The following ABCC2 variants were observed in gnomAD, a reference collection of about 807,000 sequenced individuals.
ABCC2 encodes ATP binding cassette subfamily C member 2.
A neutral mutation model predicts 173.4 loss-of-function variants in ABCC2; 157 were observed. That is an observed-to-expected ratio of 0.91 (90% CI 0.80 to 1.03). The LOEUF (loss-of-function observed/expected upper bound fraction) is 1.03. Ranked by LOEUF, ABCC2 falls within the 50% of genes least tolerant of loss-of-function variation. The pLI is 0.00. For synonymous variants in ABCC2, 657 were observed against 693.5 expected, an observed-to-expected ratio of 0.95 and a Z score of 0.83; for missense variants, 1,822 against 1,852.3, an observed-to-expected ratio of 0.98 and a Z score of 0.30.
intron 2 of ABCC2, 136 bp from the exon 3 acceptor site, chr10:99,792,098 A>G (rs2037819638): frequency 8.7e-7 from 1 of 1,151,188 alleles, no homozygotes; most frequent in Non-Finnish European, 1.3e-6. Flanking sequence ...GTATGTATCC[A>G]TTCTTTCCAG....
chr10:99,808,368 A>G (rs562946531), intron 13 of ABCC2, 139 bp downstream of exon 13: 38 of 1,181,666 alleles, frequency 3.2e-5, no homozygotes, highest in African/African-American at 4.5e-5. Flanking sequence ...CTGGAGACCA[A>G]TGGTTTGACC....
chr10:99,795,943 TG>T (rs1379302649), intron 6 of ABCC2, among the ~76,000 whole-genome samples: 1 of 152,190 alleles, frequency 6.6e-6, no homozygotes, highest in African/African-American at 2.4e-5. Flanking sequence ...AGTTTGAGGC[TG>T]CAGTCAGCTA....
intron 3 of ABCC2, 98 bp from the exon 4 acceptor site, chr10:99,793,453 T>C: frequency 6.4e-7 from 1 of 1,557,344 alleles, no homozygotes; most frequent in Non-Finnish European, 8.8e-7. Flanking sequence ...GTCTCCTCCC[T>C]CAGCCCTCCT....
chr10:99,851,902 T>C lies in ABCC2; in HGVS notation c.*271T>C. 2.9e-6 allele frequency: 1 copy of C among 342,258 alleles called. No homozygotes were observed. Among genetic ancestry groups the C allele is most frequent in the Non-Finnish European group, 5.3e-6 (1 of 189,394 alleles). 21.2% of individuals were successfully genotyped at this position (342,258 alleles called of 1,614,324 possible). Reference sequence around the variant, plus strand: ...TCCTGAATTTCACGATAATTATTCCTTTGCCTTTCATTTCTGTTTTATCAC... The same window carrying C: ...TCCTGAATTTCACGATAATTATTCCCTTGCCTTTCATTTCTGTTTTATCAC... On this transcript the variant is annotated 3_prime_UTR_variant, in exon 32 of 32. Transcript: ENST00000647814.
chr10:99,808,811 T>C (rs1412567978), intron 13 of ABCC2, among the ~76,000 whole-genome samples: 1 of 152,110 alleles, frequency 6.6e-6, no homozygotes, highest in Non-Finnish European at 1.5e-5. Flanking sequence ...GGCAGCAGAC[T>C]GATGAGAAGG....
At chr10:99,801,662 A>C (rs2038017941) in intron 9 of ABCC2, among the ~76,000 whole-genome samples, 1 of 152,246 alleles carries the variant, frequency 6.6e-6, no homozygotes, top group African/African-American at 2.4e-5. Flanking sequence ...CAGTGACTAC[A>C]GGCTTGAGGA....
chr10:99,787,202 T>C (rs1279188088), intron 2 of ABCC2, among the ~76,000 whole-genome samples: 9 of 151,750 alleles, frequency 5.9e-5, no homozygotes, highest in Non-Finnish European at 1.3e-4. Context: ...TATTAACACA[T>C]ATGTGCAACC....
At chr10:99,846,177 A>C (rs1487930104) in intron 29 of ABCC2, among the ~76,000 whole-genome samples, 1 of 152,242 alleles carries the variant, frequency 6.6e-6, no homozygotes, top group Non-Finnish European at 1.5e-5. Context: ...AATTTGCTGC[A>C]GGTTTCTGCC....
chr10:99,836,124 C>G lies in ABCC2; in HGVS notation c.3448C>G (p.Arg1150Gly). The G allele has an allele frequency of 6.2e-7, 1 of 1,614,052 alleles. No homozygotes were observed. The highest frequency in any genetic ancestry group is 1.1e-5 in the South Asian group (1 of 91,074). The change falls in exon 25 of 32, where the codon CGT (arginine) becomes GGT (glycine). Residue 1150 changes from arginine (R) to glycine (G), a missense_variant. Arg to Gly is a moderately radical substitution (Grantham distance 125). Coordinates refer to ENST00000647814, the MANE Select transcript of ABCC2 (RefSeq NM_000392.5). ...TGTGTCTACCTCCCGCCAGCTGAGG[C>G]GTCTGGACTCTGTCACCAGGTCCCC... is the stretch of plus-strand genomic sequence containing the variant. ...FYVSTSRQLR[R>G]LDSVTRSPIY...
At position 99,834,657 on chromosome 10, in the gene ABCC2, G is replaced by A; in HGVS notation, c.3414+122G>A. On this transcript the variant is annotated intron_variant, in intron 24 of 31. Transcript: ENST00000647814. ...ACTCACTCCTCCCCTCAGCAGCTTTGCCATTTAGTCATATGTTGACATACC... is the reference window on the plus strand; with the variant it reads ...ACTCACTCCTCCCCTCAGCAGCTTTACCATTTAGTCATATGTTGACATACC... The A allele has an allele frequency of 5.6e-6, 7 of 1,254,452 alleles. No homozygotes were observed. In the South Asian group the frequency reaches 6.0e-5, roughly 11 times the overall value. 77.7% of individuals were successfully genotyped at this position (1,254,452 alleles called of 1,614,324 possible).
chr10:99,808,315 A>G, intron 13 of ABCC2, 86 bp downstream of exon 13: 2 of 1,542,750 alleles, frequency 1.3e-6, no homozygotes, highest in Non-Finnish European at 1.8e-6. Context: ...TCCCATGTCT[A>G]ACTTTTGCTG....
chr10:99,845,914 A>G, intron 29 of ABCC2, 132 bp downstream of exon 29: 1 of 1,036,860 alleles, frequency 9.6e-7, no homozygotes. Context: ...TACTTGAGCT[A>G]GTTCCCTAGG....
Position 99,851,549 on chromosome 10 carries a change from A to G in ABCC2, c.4556A>G (p.Glu1519Gly). 2 of 1,614,146 alleles carry G rather than the reference A, an allele frequency of 1.2e-6. No homozygotes were observed. The highest frequency in any genetic ancestry group is 1.7e-6 in the Non-Finnish European group (2 of 1,179,982). The change falls in exon 32 of 32, where the codon GAA becomes GGA. Residue 1519 changes from glutamate to glycine, a missense_variant. Coordinates refer to ENST00000647814, the MANE Select transcript of ABCC2 (RefSeq NM_000392.5). ...NGKIIECGSP[E>G]ELLQIPGPFY... ...AAGATTATAGAGTGCGGCAGCCCTG[A>G]AGAACTGCTACAAATCCCTGGACCC...
intron 11 of ABCC2, among the ~76,000 whole-genome samples, chr10:99,805,896 A>G (rs1418933111): frequency 1.3e-5 from 2 of 152,130 alleles, no homozygotes; most frequent in South Asian, 4.1e-4. Context: ...TAGCCACAAT[A>G]CCAGTATCAT....
rs1590158184 is a variant in ABCC2 at position 99,808,376 on chromosome 10, A to G, written c.1815+147A>G. On this transcript the variant is annotated intron_variant, in intron 13 of 31. Coordinates refer to ENST00000647814, the MANE Select transcript of ABCC2 (RefSeq NM_000392.5). ...TTGGTCTCTGGAGACCAATGGTTTG[A>G]CCTTAATAAAATCATGAGTTTTCTG... The G allele has an allele frequency of 9.9e-6, 11 of 1,112,342 alleles. No individual in the cohort carries two copies. In the East Asian group the frequency reaches 2.1e-4, roughly 22 times the overall value. 68.9% of individuals were successfully genotyped at this position (1,112,342 alleles called of 1,614,324 possible). A position where few individuals can be genotyped will look rare whatever the true frequency, so the allele number is the denominator to read the frequency against.
chr10:99,810,682 T>A (rs2038194922), intron 14 of ABCC2, among the ~76,000 whole-genome samples: 1 of 152,226 alleles, frequency 6.6e-6, no homozygotes, highest in South Asian at 2.1e-4. Context: ...ACCCAGAGTA[T>A]CCATAGGTCA....
chr10:99,791,650 G>A (rs1056965777), intron 2 of ABCC2, among the ~76,000 whole-genome samples: 7 of 152,190 alleles, frequency 4.6e-5, no homozygotes, highest in Non-Finnish European at 8.8e-5. Flanking sequence ...AGTCTTGACT[G>A]GGGCTAAAAG....
intron 14 of ABCC2, among the ~76,000 whole-genome samples, chr10:99,811,141 G>A (rs912385162): frequency 1.3e-5 from 2 of 151,604 alleles, no homozygotes; most frequent in Non-Finnish European, 2.9e-5. Flanking sequence ...GACTAGCCTG[G>A]GTGACATGGT....
chr10:99,842,073 G>C lies in ABCC2; in HGVS notation c.3721G>C (p.Val1241Leu), dbSNP rs752308344. Residue 1241 changes from valine to leucine, a missense_variant, in exon 26 of 32, where the codon GTT becomes CTT. Coordinates refer to ENST00000647814, the MANE Select transcript of ABCC2 (RefSeq NM_000392.5). ...DTLSGDTVGF[V>L]LSNALNITQT... ...CCTAAGTGGGGACACTGTTGGCTTT[G>C]TTCTGTCCAATGCACTCAATGTGAG... 2 of 1,614,182 alleles carry C rather than the reference G, an allele frequency of 1.2e-6. No individual in the cohort carries two copies. Among genetic ancestry groups the C allele is most frequent in the South Asian group, 1.1e-5 (1 of 91,086 alleles).
Sources: gnomAD v4.1 joint callset for allele counts (sites outside exome capture counted in the v4.1 genomes callset) on GRCh38, gnomAD v4.1.1 for gene constraint, MANE v1.5 for transcripts, NCBI Gene and HGNC (gene_info 2026-07-23, HGNC 2026-07-21) for gene names.